Variants in EPHB1 observed in about 807,000 individuals in gnomAD.
EPHB1 encodes the protein EPH receptor B1.
EPHB1 carries 30 observed loss-of-function variants against 94.4 expected under a neutral mutation model. The observed-to-expected ratio is 0.32, with a 90% CI of 0.24 to 0.43. The LOEUF is 0.43. Among genes scored for constraint, EPHB1 ranks in the 20% least tolerant of loss-of-function variants. The pLI, the probability that EPHB1 is intolerant of heterozygous loss-of-function variation, is 1.00. For missense variants in EPHB1, 1,055 were observed against 1,308.3 expected, an observed-to-expected ratio of 0.81 and a Z score of 2.99; for synonymous variants, 522 against 489.1, an observed-to-expected ratio of 1.07 and a Z score of -0.89.
intron 1 of EPHB1, among the ~76,000 whole-genome samples, chr3:134,879,908 G>T (rs1175823566): frequency 1.3e-5 from 2 of 151,972 alleles, no homozygotes; most frequent in East Asian, 1.9e-4. Context: ...AATAAATGAG[G>T]CCAGAAAAAA....
At chr3:135,079,568 C>T (rs774502633) in intron 3 of EPHB1, among the ~76,000 whole-genome samples, 13 of 152,174 alleles carry the variant, frequency 8.5e-5, no homozygotes, top group Non-Finnish European at 1.3e-4. Context: ...TCCATAAGCA[C>T]GTCACCTCCT....
intron 3 of EPHB1, among the ~76,000 whole-genome samples, chr3:135,027,700 C>G (rs997018998): frequency 6.7e-6 from 1 of 150,068 alleles, no homozygotes; most frequent in Non-Finnish European, 1.5e-5. Context: ...TTGGTTGTGT[C>G]TCTGCCCGGC....
chr3:135,260,130 T>A lies in EPHB1; in HGVS notation c.*1010T>A, dbSNP rs1933580095. Reference sequence around the variant, plus strand: ...AGTGTGGGCCATCCTGGAATGATACTGACTGATTAATTATTCCTGATAACA... The same window carrying A: ...AGTGTGGGCCATCCTGGAATGATACAGACTGATTAATTATTCCTGATAACA... On this transcript the variant is annotated 3_prime_UTR_variant, in exon 16 of 16. Transcript: ENST00000398015. The A allele has an allele frequency of 4.3e-6, 1 of 232,978 alleles. No individual in the cohort carries two copies. Among genetic ancestry groups the A allele is most frequent in the Admixed American group, 5.6e-5 (1 of 17,768 alleles). The allele number at this position is 232,978 out of a possible 1,614,324, so 14.4% of individuals were successfully genotyped here.
At chr3:134,858,833 CCCCAGAGCCCAG>C (rs2037181849) in intron 1 of EPHB1, among the ~76,000 whole-genome samples, 1 of 152,218 alleles carries the variant, frequency 6.6e-6, no homozygotes, top group Non-Finnish European at 1.5e-5. Flanking sequence ...CACAGTGGGT[CCCCAGAGCCCAG>C]CCTGCCTCAG....
intron 1 of EPHB1, among the ~76,000 whole-genome samples, chr3:134,829,492 C>G (rs765405458): frequency 7.2e-5 from 11 of 152,120 alleles, no homozygotes; most frequent in Non-Finnish European, 1.0e-4. Context: ...TGCTTTCCTC[C>G]CCTGCACACC....
At chr3:135,070,021 G>T (rs1486332872) in intron 3 of EPHB1, among the ~76,000 whole-genome samples, 1 of 152,154 alleles carries the variant, frequency 6.6e-6, no homozygotes, top group Non-Finnish European at 1.5e-5. Flanking sequence ...ATAGAAGGGG[G>T]ATGTGCTATG....
chr3:134,813,502 G>A (rs1428709511), intron 1 of EPHB1, among the ~76,000 whole-genome samples: 1 of 152,172 alleles, frequency 6.6e-6, no homozygotes, highest in African/African-American at 2.4e-5. Context: ...TCCTGTGAAT[G>A]GTGGTCTGAA....
intron 1 of EPHB1, among the ~76,000 whole-genome samples, chr3:134,921,818 T>C (rs2038692732): frequency 6.6e-6 from 1 of 152,182 alleles, no homozygotes; most frequent in Admixed American, 6.5e-5. Flanking sequence ...TAATCCTGCC[T>C]ACTAGTTAGC....
chr3:135,104,699 C>T (rs1443229844), intron 3 of EPHB1, among the ~76,000 whole-genome samples: 3 of 152,134 alleles, frequency 2.0e-5, no homozygotes, highest in Non-Finnish European at 2.9e-5. Flanking sequence ...GCCACAGTAC[C>T]CTTTTGTCAT....
chr3:135,005,248 G>C (rs1354624700), intron 3 of EPHB1, among the ~76,000 whole-genome samples: 1 of 152,192 alleles, frequency 6.6e-6, no homozygotes, highest in East Asian at 1.9e-4. Context: ...CCTGCTGGGG[G>C]GTGCCTCCCA....
intron 15 of EPHB1, among the ~76,000 whole-genome samples, chr3:135,255,592 T>C (rs1375842394): frequency 6.7e-6 from 1 of 148,862 alleles, no homozygotes; most frequent in Non-Finnish European, 1.5e-5. Flanking sequence ...TAGTTTGTTA[T>C]AATTTCTGTT....
chr3:135,126,578 A>G (rs931782879), intron 4 of EPHB1, among the ~76,000 whole-genome samples: 1 of 152,182 alleles, frequency 6.6e-6, no homozygotes, highest in African/African-American at 2.4e-5. Context: ...CCCATGCTCA[A>G]GGCTAAGGTT....
chr3:134,805,542 C>T lies in EPHB1; in HGVS notation c.58+9853C>T, dbSNP rs2036026964. On this transcript the variant is annotated intron_variant, in intron 1 of 15. Coordinates refer to ENST00000398015, the MANE Select transcript of EPHB1 (RefSeq NM_004441.5). ...TCACCTGGGTCCACCTTGCCTCCTG[C>T]CCTCCTGCCCAGCAGCACTTCCTTT... 2.6e-5 allele frequency among the ~76,000 whole-genome samples: 4 copies of T among 152,158 alleles called. No individual in the cohort carries two copies. In the East Asian group the frequency reaches 7.7e-4, roughly 29 times the overall value.
intron 3 of EPHB1, among the ~76,000 whole-genome samples, chr3:135,009,429 G>A (rs1016202964): frequency 1.3e-5 from 2 of 152,200 alleles, no homozygotes; most frequent in Admixed American, 1.3e-4. Flanking sequence ...TAATTTGGGG[G>A]CTTTCCTGTA....
At chr3:134,981,604 C>T (rs1934405121) in intron 3 of EPHB1, among the ~76,000 whole-genome samples, 1 of 152,212 alleles carries the variant, frequency 6.6e-6, no homozygotes, top group Non-Finnish European at 1.5e-5. Flanking sequence ...TACCACATGA[C>T]AACCACATGC....
chr3:134,876,267 T>C (rs1241686148), intron 1 of EPHB1, among the ~76,000 whole-genome samples: 5 of 152,222 alleles, frequency 3.3e-5, no homozygotes, highest in Middle Eastern at 3.2e-3. Flanking sequence ...TCCCCATCTT[T>C]ACCTGCACAT....
intron 15 of EPHB1, among the ~76,000 whole-genome samples, chr3:135,250,965 T>G (rs1307415069): frequency 6.6e-6 from 1 of 151,996 alleles, no homozygotes; most frequent in Non-Finnish European, 1.5e-5. Context: ...TCCACCCCTA[T>G]AGCTGAGCCC....
chr3:134,807,970 A>G (rs2036100542), intron 1 of EPHB1, among the ~76,000 whole-genome samples: 1 of 152,168 alleles, frequency 6.6e-6, no homozygotes, highest in African/African-American at 2.4e-5. Context: ...TCCTCCTCTT[A>G]AACATCATCT....
intron 3 of EPHB1, among the ~76,000 whole-genome samples, chr3:134,957,093 G>A (rs1933306655): frequency 6.6e-6 from 1 of 152,206 alleles, no homozygotes; most frequent in Non-Finnish European, 1.5e-5. Flanking sequence ...ACCAAGTGGA[G>A]AGAGAAGACT....
Sources: gnomAD v4.1 joint callset for allele counts (sites outside exome capture counted in the v4.1 genomes callset) on GRCh38, gnomAD v4.1.1 for gene constraint, MANE v1.5 for transcripts, NCBI Gene and HGNC (gene_info 2026-07-23, HGNC 2026-07-21) for gene names.